The following VTI1A variants were observed in gnomAD, a reference collection of about 807,000 sequenced individuals.
The protein encoded by VTI1A is vesicle transport through interaction with t-SNAREs 1A.
A neutral mutation model predicts 34.9 loss-of-function variants in VTI1A; 22 were observed. The ratio of observed to expected loss-of-function variants is 0.63; its 90% CI spans 0.45 to 0.90. The LOEUF (loss-of-function observed/expected upper bound fraction) is 0.90. Among genes scored for constraint, VTI1A ranks in the 40% least tolerant of loss-of-function variants. The pLI is 0.00. For synonymous variants in VTI1A, 87 were observed against 97.3 expected (o/e 0.89, Z 0.62); for missense variants, 268 against 275.6 (o/e 0.97, Z 0.20).
At chr10:112,813,271 A>C (rs1853382388) in intron 7 of VTI1A, among the ~76,000 whole-genome samples, 1 of 152,244 alleles carries the variant, frequency 6.6e-6, no homozygotes, top group African/African-American at 2.4e-5. Context: ...CAGATTGAAC[A>C]AGTAACACCC....
chr10:112,708,879 G>GT (rs1849295602), intron 7 of VTI1A, among the ~76,000 whole-genome samples: 1 of 152,178 alleles, frequency 6.6e-6, no homozygotes, highest in Non-Finnish European at 1.5e-5. Flanking sequence ...CTAAAAACAT[G>GT]TTTCGTAGTT....
At position 112,747,117 on chromosome 10, in the gene VTI1A, A is replaced by C. The variant is rs540873891; in HGVS notation, c.561-68173A>C. On this transcript the variant is annotated intron_variant, in intron 7 of 7. Coordinates refer to ENST00000393077, the MANE Select transcript of VTI1A (RefSeq NM_145206.4). ...TGCATTTATCCACTGTTACACAGTG[A>C]GGTCCATCTGAATCTTATTCCTGTT... is the stretch of plus-strand genomic sequence containing the variant. Among the ~76,000 whole-genome samples the C allele has an allele frequency of 1.1e-3, 174 of 152,340 alleles. 1 individual carries two copies. The highest frequency in any genetic ancestry group is 3.8e-3 in the African/African-American group (158 of 41,590).
At chr10:112,548,103 G>A (rs146788657) in intron 5 of VTI1A, among the ~76,000 whole-genome samples, 3 of 152,230 alleles carry the variant, frequency 2.0e-5, no homozygotes, top group African/African-American at 7.2e-5. Context: ...ACTACTAATA[G>A]AGTTTTCCTA....
chr10:112,736,835 T>G (rs1850497971), intron 7 of VTI1A: 9 of 1,117,274 alleles, frequency 8.1e-6, no homozygotes, highest in Admixed American at 2.0e-5. Context: ...AGAAGCCTTC[T>G]CACTGAAAGA....
At chr10:112,801,440 G>A (rs979822648) in intron 7 of VTI1A, among the ~76,000 whole-genome samples, 5 of 152,140 alleles carry the variant, frequency 3.3e-5, no homozygotes, top group African/African-American at 9.7e-5. Flanking sequence ...CACAACCCTC[G>A]CAGAAAATAC....
chr10:112,490,982 G>A (rs1469061578), intron 3 of VTI1A, among the ~76,000 whole-genome samples: 2 of 145,902 alleles, frequency 1.4e-5, no homozygotes, highest in Non-Finnish European at 3.0e-5. Context: ...TTTCCCTTAA[G>A]TTTATTTCTG....
intron 5 of VTI1A, among the ~76,000 whole-genome samples, chr10:112,653,402 A>G (rs1328204479): frequency 6.6e-6 from 1 of 152,190 alleles, no homozygotes; most frequent in Non-Finnish European, 1.5e-5. Context: ...TGCGAAGTAT[A>G]GGTCCAAATT....
chr10:112,780,714 C>G (rs971585026), intron 7 of VTI1A, among the ~76,000 whole-genome samples: 5 of 152,070 alleles, frequency 3.3e-5, no homozygotes, highest in African/African-American at 9.7e-5. Flanking sequence ...GTGGCTTTCT[C>G]AAAGCCACAT....
At chr10:112,773,474 G>T (rs1851871102) in intron 7 of VTI1A, among the ~76,000 whole-genome samples, 1 of 152,098 alleles carries the variant, frequency 6.6e-6, no homozygotes, top group Non-Finnish European at 1.5e-5. Flanking sequence ...ACACAAACCT[G>T]CCCCATAAAC....
At chr10:112,538,385 A>G in intron 5 of VTI1A, 55 bp downstream of exon 5, 1 of 1,507,610 alleles carries the variant, frequency 6.6e-7, no homozygotes, top group Non-Finnish European at 9.2e-7. Context: ...AGTCTTCACA[A>G]CACATGACAT....
chr10:112,594,814 A>G (rs1180918054), intron 5 of VTI1A, among the ~76,000 whole-genome samples: 4 of 151,942 alleles, frequency 2.6e-5, no homozygotes, highest in Admixed American at 2.6e-4. Context: ...AAACTACTTT[A>G]AAGTTCATAT....
intron 7 of VTI1A, among the ~76,000 whole-genome samples, chr10:112,802,773 G>A (rs143648980): frequency 2.3e-4 from 35 of 151,958 alleles, no homozygotes; most frequent in East Asian, 1.2e-3. Context: ...TATTTATTTC[G>A]CCAAGTAAGA....
chr10:112,632,418 A>T (rs1396800705), intron 5 of VTI1A, among the ~76,000 whole-genome samples: 1 of 152,234 alleles, frequency 6.6e-6, no homozygotes, highest in African/African-American at 2.4e-5. Flanking sequence ...GATAGACAGG[A>T]TTATGCTACA....
the VTI1A span, among the ~76,000 whole-genome samples, chr10:112,844,963 G>A: frequency 6.6e-6 from 1 of 152,206 alleles, no homozygotes; most frequent in Admixed American, 6.5e-5. Flanking sequence ...CCATCTTGGG[G>A]AATAGGAACC....
At chr10:112,834,336 C>T in the VTI1A span, among the ~76,000 whole-genome samples, 5 of 152,136 alleles carry the variant, frequency 3.3e-5, no homozygotes, top group East Asian at 3.9e-4. Context: ...TCTAGGAATA[C>T]GGATGGGAAT....
intron 5 of VTI1A, among the ~76,000 whole-genome samples, chr10:112,597,988 C>T (rs1281866648): frequency 1.3e-5 from 2 of 152,078 alleles, no homozygotes; most frequent in African/African-American, 4.8e-5. Flanking sequence ...TGAGCCACCG[C>T]GCCCGGCCAA....
chr10:112,516,597 A>G (rs1388893465), intron 3 of VTI1A, among the ~76,000 whole-genome samples: 3 of 151,834 alleles, frequency 2.0e-5, no homozygotes, highest in Non-Finnish European at 4.4e-5. Context: ...CCATCCAAAT[A>G]TCTCCCAAAT....
Position 112,818,536 on chromosome 10 carries a change from T to C in VTI1A, c.*3153T>C. ...GAGGAAAACAGCCTGCCTGCTGCTGTATTTGAAGTTGTAATGGTGTCAAAA... is the reference window on the plus strand; with the variant it reads ...GAGGAAAACAGCCTGCCTGCTGCTGCATTTGAAGTTGTAATGGTGTCAAAA... On this transcript the variant is annotated 3_prime_UTR_variant, in exon 8 of 8. Transcript: ENST00000393077. The C allele has an allele frequency of 4.4e-6, 1 of 226,070 alleles. No homozygotes were observed. Among genetic ancestry groups the C allele is most frequent in the Non-Finnish European group, 8.8e-6 (1 of 113,198 alleles). The allele number at this position is 226,070 out of a possible 1,614,324, so 14.0% of individuals were successfully genotyped here.
At chr10:112,587,436 GACTA>G (rs1844204089) in intron 5 of VTI1A, among the ~76,000 whole-genome samples, 1 of 152,118 alleles carries the variant, frequency 6.6e-6, no homozygotes, top group Non-Finnish European at 1.5e-5. Flanking sequence ...GTCAAACTGT[GACTA>G]AGAGAAAGTA....
Sources: gnomAD v4.1 joint callset for allele counts (sites outside exome capture counted in the v4.1 genomes callset) on GRCh38, gnomAD v4.1.1 for gene constraint, MANE v1.5 for transcripts, NCBI Gene and HGNC (gene_info 2026-07-23, HGNC 2026-07-21) for gene names.